The following CD38 variants were observed in gnomAD, a reference collection of about 807,000 sequenced individuals.
CD38 encodes ADP-ribosyl cyclase/cyclic ADP-ribose hydrolase 1.
In CD38, 31 loss-of-function variants were observed where a neutral mutation model predicts 36.3. That is an observed-to-expected ratio of 0.85 (90% CI 0.64 to 1.15). The LOEUF (loss-of-function observed/expected upper bound fraction) is 1.15, where lower values mean the gene tolerates loss of function less well. Ranked by LOEUF, CD38 falls within the 50% of genes most tolerant of loss-of-function variation. CD38 has a pLI of 0.00. For missense variants in CD38, 380 were observed against 371.9 expected (o/e 1.02, Z -0.18); for synonymous variants, 131 against 135.2 (o/e 0.97, Z 0.22).
At chr4:15,825,058 G>A (rs747572668) in intron 3 of CD38, 42 bp downstream of exon 3, 2 of 1,561,258 alleles carry the variant, frequency 1.3e-6, no homozygotes, top group Admixed American at 3.8e-5. Flanking sequence ...GGATGTGGAG[G>A]GTGAACAGAG....
chr4:15,797,541 G>A (rs1379400832), intron 1 of CD38, among the ~76,000 whole-genome samples: 1 of 152,126 alleles, frequency 6.6e-6, no homozygotes, highest in Non-Finnish European at 1.5e-5. Flanking sequence ...CCTTTACTGG[G>A]TATGCTAGTG....
rs550715317 is a variant in CD38 at position 15,796,463 on chromosome 4, T to A, written c.233+17816T>A. Among the ~76,000 whole-genome samples the A allele has an allele frequency of 3.3e-5, 5 of 152,202 alleles. No homozygotes were observed. In the South Asian group the frequency reaches 1.0e-3, roughly 32 times the overall value. On this transcript the variant is annotated intron_variant, in intron 1 of 7. Transcript: ENST00000226279. ...AATTTTTCCATTTAAAAATTAAAAA[T>A]TAAATTATTAACATTTTAAATACAC...
intron 5 of CD38, 63 bp downstream of exon 5, chr4:15,838,228 C>A (rs1212435545): frequency 4.9e-6 from 6 of 1,214,214 alleles, no homozygotes; most frequent in South Asian, 3.7e-5. Flanking sequence ...GTGAATATTT[C>A]ATCTCTAGAA....
chr4:15,791,998 G>GA (rs1723008739), intron 1 of CD38, among the ~76,000 whole-genome samples: 1 of 66,512 alleles, frequency 1.5e-5, no homozygotes, highest in South Asian at 4.6e-4. Flanking sequence ...GAAGGGTGGG[G>GA]AAAAAATTGA....
intron 1 of CD38, among the ~76,000 whole-genome samples, chr4:15,787,233 G>A (rs910982555): frequency 5.3e-5 from 8 of 152,270 alleles, no homozygotes; most frequent in Non-Finnish European, 1.0e-4. Context: ...GAGAGCGAGC[G>A]AGGGCCACCA....
intron 1 of CD38, among the ~76,000 whole-genome samples, chr4:15,784,998 A>G (rs7659546): frequency 0.45 from 68,855 of 151,524 alleles, 18,850 homozygotes; most frequent in African/African-American, 0.78. Flanking sequence ...GGAGGTTGCA[A>G]TGAGCTGAGC....
chr4:15,794,175 A>T (rs754635867), intron 1 of CD38, among the ~76,000 whole-genome samples: 4 of 152,232 alleles, frequency 2.6e-5, no homozygotes, highest in Non-Finnish European at 4.4e-5. Flanking sequence ...CCCTTTGTCC[A>T]GCATATCCAT....
In CD38 at chr4:15,778,846, G is replaced by A. The variant is rs1388683280; in HGVS notation, c.233+199G>A. ...CAGGAGCAGCTGGCCTTGGCACCGA[G>A]CGTGCCCGCGGGAGGCGGGGGGGGG... On this transcript the variant is annotated intron_variant, in intron 1 of 7. Transcript: ENST00000226279. The surrounding 1 kb of genome is among the most constrained non-coding windows in gnomAD (Gnocchi z 4.9). 6.7e-6 allele frequency among the ~76,000 whole-genome samples: 1 copy of A among 149,326 alleles called. No homozygotes were observed.
In CD38 at chr4:15,848,672, C is replaced by A. The variant is rs758965197; in HGVS notation, c.*70C>A. 3.2e-5 allele frequency: 41 copies of A among 1,280,212 alleles called. No individual in the cohort carries two copies. Among genetic ancestry groups the A allele is most frequent in the Non-Finnish European group, 4.4e-5 (39 of 880,278 alleles). 79.3% of individuals were successfully genotyped at this position (1,280,212 alleles called of 1,614,324 possible). On this transcript the variant is annotated 3_prime_UTR_variant, in exon 8 of 8. Coordinates refer to ENST00000226279, the MANE Select transcript of CD38 (RefSeq NM_001775.4). ...ATGTCATCATACATGACTCAGCATACCTGCTGGTGCAGAGCTGAAGATTTT... is the reference window on the plus strand; with the variant it reads ...ATGTCATCATACATGACTCAGCATAACTGCTGGTGCAGAGCTGAAGATTTT...
chr4:15,810,624 T>C (rs1382410470), intron 1 of CD38, among the ~76,000 whole-genome samples: 1 of 152,234 alleles, frequency 6.6e-6, no homozygotes, highest in African/African-American at 2.4e-5. Context: ...AAGCTTTTTT[T>C]TCCTTAAATA....
At chr4:15,789,629 G>T (rs575700080) in intron 1 of CD38, among the ~76,000 whole-genome samples, 1 of 152,160 alleles carries the variant, frequency 6.6e-6, no homozygotes, top group African/African-American at 2.4e-5. Flanking sequence ...AGGTGACTGG[G>T]TCATGAGAGA....
At chr4:15,801,552 C>G (rs1168494473) in intron 1 of CD38, among the ~76,000 whole-genome samples, 1 of 152,094 alleles carries the variant, frequency 6.6e-6, no homozygotes, top group Admixed American at 6.6e-5. Context: ...CAACAAAATA[C>G]TAGCAAACTG....
At chr4:15,799,444 C>T (rs776320099) in intron 1 of CD38, among the ~76,000 whole-genome samples, 7 of 152,008 alleles carry the variant, frequency 4.6e-5, no homozygotes, top group African/African-American at 9.7e-5. Context: ...CTTTCTGTTA[C>T]GGGAGATAAA....
At chr4:15,785,975 C>T (rs906396528) in intron 1 of CD38, among the ~76,000 whole-genome samples, 1 of 152,156 alleles carries the variant, frequency 6.6e-6, no homozygotes, top group African/African-American at 2.4e-5. Flanking sequence ...GTGAGTGTTA[C>T]AGCTCTTAAG....
In CD38 at chr4:15,838,145, T is replaced by A; in HGVS notation, c.639T>A (p.Ser213Arg). 1 of 1,613,666 alleles carries A rather than the reference T, an allele frequency of 6.2e-7. No homozygotes were observed. The highest frequency in any genetic ancestry group is 2.2e-5 in the East Asian group (1 of 44,880). ...ATGTGATGCTCAATGGATCCCGCAG[T>A]AAAATCTTTGACAAAAACAGGTACA... Reference protein sequence around the residue: ...VVHVMLNGSRSKIFDKNSTFG... With the variant: ...VVHVMLNGSRRKIFDKNSTFG... Residue 213 changes from serine (S) to arginine (R), a missense_variant, in exon 5 of 8, where the codon AGT (serine) becomes AGA (arginine). Ser to Arg is a moderately radical substitution (Grantham distance 110, BLOSUM62 -1). Transcript: ENST00000226279.
intron 1 of CD38, among the ~76,000 whole-genome samples, chr4:15,783,640 A>C (rs987394867): frequency 6.6e-6 from 1 of 152,242 alleles, no homozygotes; most frequent in Non-Finnish European, 1.5e-5. Flanking sequence ...CTGGTTGAAC[A>C]TAAGTAGAAA....
rs1322343800 is a variant in CD38, at chr4:15,778,776, G to T, written c.233+129G>T. 4.5e-6 allele frequency: 3 copies of T among 668,380 alleles called. No individual in the cohort carries two copies. Among genetic ancestry groups the T allele is most frequent in the Non-Finnish European group, 7.6e-6 (3 of 394,156 alleles). 41.4% of individuals were successfully genotyped at this position (668,380 alleles called of 1,614,324 possible). ...GGGTCAGCCGAGAGCCCGCCGGGTG[G>T]TGCTGAGTAGGGAGTCCCGGGCTCG... is the stretch of plus-strand genomic sequence containing the variant. On this transcript the variant is annotated intron_variant, in intron 1 of 7. Transcript: ENST00000226279. This position sits in a 1 kb window ranked among gnomAD's most constrained non-coding sequence, Gnocchi z 4.9.
chr4:15,848,346 T>C (rs1218536985), intron 7 of CD38, among the ~76,000 whole-genome samples, 193 bp from the exon 8 acceptor site: 1 of 152,098 alleles, frequency 6.6e-6, no homozygotes, highest in Non-Finnish European at 1.5e-5. Context: ...TTGCTGCTCC[T>C]GCTGTTTTTT....
chr4:15,816,403 C>T (rs966252139), intron 1 of CD38, 108 bp from the exon 2 acceptor site: 16 of 862,438 alleles, frequency 1.9e-5, no homozygotes, highest in Non-Finnish European at 2.8e-5. Context: ...TATGAACTAC[C>T]TGGCATATAA....
Sources: allele counts gnomAD v4.1 joint callset (sites outside exome capture counted in the v4.1 genomes callset), GRCh38; gene constraint gnomAD v4.1.1; non-coding constraint Gnocchi (gnomAD v3.1); transcripts MANE v1.5; gene names NCBI Gene and HGNC (gene_info 2026-07-23, HGNC 2026-07-21).